CDH3: variants seen among roughly 807,000 people sequenced by gnomAD.
CDH3 encodes cadherin 3, also known as cadherin-3.
In CDH3, 54 loss-of-function variants were observed where a neutral mutation model predicts 82.0. That is an observed-to-expected ratio of 0.66 (90% CI 0.53 to 0.83). The LOEUF (loss-of-function observed/expected upper bound fraction) is 0.83. Ranked by LOEUF, CDH3 falls within the 40% of genes least tolerant of loss-of-function variation. The pLI is 0.00. For missense variants in CDH3, 1,054 were observed against 1,084.6 expected, an observed-to-expected ratio of 0.97 and a Z score of 0.40; for synonymous variants, 446 against 437.9, an observed-to-expected ratio of 1.02 and a Z score of -0.23.
At chr16:68,729,999 C>T (rs1962266928), downstream of CDH3, among the ~76,000 whole-genome samples, 1 of 152,096 alleles carries the variant, frequency 6.6e-6, no homozygotes, top group South Asian at 2.1e-4. Context: ...CTTTGGGAGG[C>T]CGAGGCGGGT....
At chr16:68,650,151 C>T (rs759920788) in intron 2 of CDH3, among the ~76,000 whole-genome samples, 27 of 151,864 alleles carry the variant, frequency 1.8e-4, no homozygotes, top group African/African-American at 2.4e-4. Flanking sequence ...GTTTCCCCAC[C>T]GGGCCCCTGG....
intron 2 of CDH3, among the ~76,000 whole-genome samples, chr16:68,726,364 C>T (rs1010018936): frequency 2.0e-5 from 3 of 152,128 alleles, no homozygotes; most frequent in African/African-American, 4.8e-5. Context: ...TCAGGCCATC[C>T]TCTTGCCTTC....
At chr16:68,726,184 G>A (rs1024160232) in intron 2 of CDH3, among the ~76,000 whole-genome samples, 5 of 152,166 alleles carry the variant, frequency 3.3e-5, no homozygotes, top group Non-Finnish European at 5.9e-5. Flanking sequence ...CATGAAACTG[G>A]TCGTTCATTT....
At chr16:68,656,955 C>T (rs1217234637) in intron 2 of CDH3, among the ~76,000 whole-genome samples, 1 of 152,114 alleles carries the variant, frequency 6.6e-6, no homozygotes, top group Non-Finnish European at 1.5e-5. Context: ...AACTGTCACC[C>T]CACCCCCACC....
In CDH3 at chr16:68,720,664, G is replaced by A. The variant is rs368718151; in HGVS notation, c.100-1761G>A. 7.6e-4 allele frequency among the ~76,000 whole-genome samples: 114 copies of A among 150,888 alleles called. 2 individuals are homozygous for A. The highest frequency in any genetic ancestry group is 7.1e-3 in the Admixed American group (107 of 15,090). On this transcript the variant is annotated intron_variant, in intron 1 of 2. Transcript: ENST00000569080. ...GGAGTCTCGCTCTGTTGCCCAGGCCGGAATGCAGTGGCACGATCTCAGTTC... is the reference window on the plus strand; with the variant it reads ...GGAGTCTCGCTCTGTTGCCCAGGCCAGAATGCAGTGGCACGATCTCAGTTC...
chr16:68,675,457 G>A (rs1332379483), intron 2 of CDH3, among the ~76,000 whole-genome samples: 4 of 152,144 alleles, frequency 2.6e-5, no homozygotes, highest in East Asian at 1.9e-4. Context: ...TCTAGTGTGT[G>A]TCTTGGAGTC....
downstream of CDH3, among the ~76,000 whole-genome samples, chr16:68,730,115 C>T (rs952248342): frequency 6.6e-6 from 1 of 151,972 alleles, no homozygotes; most frequent in East Asian, 1.9e-4. Context: ...CGCCTGTAAT[C>T]CCAGCTACTC....
chr16:68,721,729 C>T (rs1280518200), intron 1 of CDH3, among the ~76,000 whole-genome samples: 1 of 152,158 alleles, frequency 6.6e-6, no homozygotes, highest in Non-Finnish European at 1.5e-5. Context: ...GCTTAAATGT[C>T]ACTTTGCTCC....
intron 2 of CDH3, among the ~76,000 whole-genome samples, chr16:68,671,722 A>G (rs1042083403): frequency 2.0e-5 from 3 of 151,778 alleles, no homozygotes; most frequent in African/African-American, 7.3e-5. Flanking sequence ...GGATTTTACT[A>G]TGTTGGCCAG....
At chr16:68,694,335 A>T (rs1409831468) in intron 13 of CDH3, among the ~76,000 whole-genome samples, 2 of 134,962 alleles carry the variant, frequency 1.5e-5, no homozygotes, top group Non-Finnish European at 3.2e-5. Context: ...AAAAAAAAAA[A>T]TTCCGGCCAG....
chr16:68,727,949 A>G (rs1962236102), downstream of CDH3, among the ~76,000 whole-genome samples: 1 of 151,976 alleles, frequency 6.6e-6, no homozygotes, highest in Non-Finnish European at 1.5e-5. Context: ...TGTACAATGT[A>G]TGTATGTATT....
intron 1 of CDH3, among the ~76,000 whole-genome samples, chr16:68,706,228 G>T (rs1961962394): frequency 6.6e-6 from 1 of 152,114 alleles, no homozygotes; most frequent in African/African-American, 2.4e-5. Flanking sequence ...GTGATTGGGA[G>T]AGCCAGATTT....
At chr16:68,663,291 C>A (rs540196493) in intron 2 of CDH3, among the ~76,000 whole-genome samples, 1 of 149,986 alleles carries the variant, frequency 6.7e-6, no homozygotes, top group South Asian at 2.1e-4. Flanking sequence ...GTGGCACGAT[C>A]TCAGCTCACT....
rs1265952838 is a variant in CDH3, at chr16:68,657,022, C to A, written c.160+11272C>A. The stretch of plus-strand genomic sequence containing the variant: ...GCTCTGGGTAGAAGAGCTTGACAGA[C>A]CCTTCCTCACTCGCTCCTCCTCCCC... On this transcript the variant is annotated intron_variant, in intron 2 of 15. Transcript: ENST00000264012. 3.3e-5 allele frequency among the ~76,000 whole-genome samples: 5 copies of A among 152,066 alleles called. No individual in the cohort carries two copies. In the East Asian group the frequency reaches 9.6e-4, roughly 29 times the overall value.
chr16:68,670,223 CAA>C (rs71148932), intron 2 of CDH3, among the ~76,000 whole-genome samples: 1,077 of 90,982 alleles, frequency 0.012, 21 homozygotes, highest in African/African-American at 0.038. Flanking sequence ...GACTCTGTCT[CAA>C]AAAAAAAAAA....
intron 13 of CDH3, among the ~76,000 whole-genome samples, chr16:68,692,673 G>A (rs1961609564): frequency 6.6e-6 from 1 of 152,214 alleles, no homozygotes; most frequent in African/African-American, 2.4e-5. Flanking sequence ...GGTCTAGTGG[G>A]AGGAAATGTT....
intron 2 of CDH3, among the ~76,000 whole-genome samples, chr16:68,668,984 C>T (rs1201816205): frequency 6.6e-6 from 1 of 152,156 alleles, no homozygotes; most frequent in Non-Finnish European, 1.5e-5. Flanking sequence ...GATGAGGAAA[C>T]TGAGCTTCTA....
At position 68,695,293 on chromosome 16, in the gene CDH3, C is replaced by T. The variant is rs752908359; in HGVS notation, c.2041C>T (p.Arg681Trp). The T allele has an allele frequency of 1.2e-5, 19 of 1,613,940 alleles. No homozygotes were observed. The highest frequency in any genetic ancestry group is 3.3e-4 in the Middle Eastern group (2 of 6,084). The stretch of plus-strand genomic sequence containing the variant: ...GCTGCTTTTGTTGGTGAGAAAGAAG[C>T]GGAAGATCAAGGAGCCCCTCCTACT... ...LVLLLLVRKK[R>W]KIKEPLLLPE... Residue 681 changes from arginine to tryptophan, a missense_variant, in exon 14 of 16, where the codon CGG (arginine) becomes TGG (tryptophan). Arg to Trp is a moderately radical substitution (Grantham distance 101). Transcript: ENST00000264012.
downstream of CDH3, among the ~76,000 whole-genome samples, chr16:68,701,987 G>GCACT (rs1196717119): frequency 6.6e-6 from 1 of 151,874 alleles, no homozygotes; most frequent in East Asian, 2.0e-4. Flanking sequence ...TTGTGCCATT[G>GCACT]CACTCCAGCC....
Sources: allele counts gnomAD v4.1 joint callset (sites outside exome capture counted in the v4.1 genomes callset), GRCh38; gene constraint gnomAD v4.1.1; transcripts MANE v1.5; gene names NCBI Gene and HGNC (gene_info 2026-07-23, HGNC 2026-07-21).